Variants in TULP2 observed in about 807,000 individuals in gnomAD.
The protein encoded by TULP2 is tubby-related protein 2.
A neutral mutation model predicts 60.3 loss-of-function variants in TULP2; 64 were observed. The ratio of observed to expected loss-of-function variants is 1.06; its 90% CI spans 0.87 to 1.31. TULP2 has a LOEUF of 1.31. Among genes scored for constraint, TULP2 ranks in the 50% most tolerant of loss-of-function variants. The probability of loss-of-function intolerance (pLI) is 0.00; values close to 1 mark genes in which losing one functional copy is unlikely to be tolerated. For synonymous variants in TULP2, 267 were observed against 265.4 expected (o/e 1.01, Z -0.06); for missense variants, 652 against 667.0 (o/e 0.98, Z 0.25).
Position 48,895,468 on chromosome 19 carries a change from C to T in TULP2, c.247G>A (p.Glu83Lys). ...TGGATGCCAGAGGGCAGATGTGCCT[C>T]TGACACTTTCTTCCGGAGGAAAGGG... is the stretch of plus-strand genomic sequence containing the variant. ...GNPFLRKKVS[E>K]AHLPSGIHSA... Residue 83 changes from glutamate to lysine, a missense_variant, in exon 5 of 13, where the codon GAG (glutamate) becomes AAG (lysine). Physicochemically the swap from Glu to Lys is moderately conservative, Grantham distance 56. Transcript: ENST00000221399. 6.2e-7 allele frequency: 1 copy of T among 1,611,794 alleles called. No individual in the cohort carries two copies. The highest frequency in any genetic ancestry group is 8.5e-7 in the Non-Finnish European group (1 of 1,178,278).
chr19:48,881,367 G>A (rs890550468), intron 12 of TULP2, among the ~76,000 whole-genome samples: 2 of 143,654 alleles, frequency 1.4e-5, no homozygotes, highest in Admixed American at 7.0e-5. Context: ...GTGCCACCAC[G>A]TCCGGCTAAT....
At chr19:48,883,651 T>A in intron 11 of TULP2, 103 bp downstream of exon 11, 1 of 1,295,246 alleles carries the variant, frequency 7.7e-7, no homozygotes, top group Non-Finnish European at 1.1e-6. Flanking sequence ...TGCAACCCAC[T>A]GGCCTCCTCT....
chr19:48,887,561 G>C (rs914124878), intron 8 of TULP2, among the ~76,000 whole-genome samples: 29 of 149,878 alleles, frequency 1.9e-4, no homozygotes, highest in African/African-American at 6.8e-4. Context: ...TTTGTTGGTT[G>C]GTTTTTTGTT....
chr19:48,898,131 C>A (rs904303206), intron 1 of TULP2: 3 of 202,280 alleles, frequency 1.5e-5, no homozygotes, highest in Admixed American at 1.2e-4. Context: ...GCTATTCTGC[C>A]TAATTTTTTT....
chr19:48,882,001 G>C (rs375138031), intron 12 of TULP2, 31 bp downstream of exon 12: 3 of 1,613,984 alleles, frequency 1.9e-6, no homozygotes, highest in African/African-American at 1.3e-5. Flanking sequence ...CACCCCACCT[G>C]GCCCGGCTAA....
chr19:48,881,959 A>C, intron 12 of TULP2, 73 bp downstream of exon 12: 2 of 1,595,822 alleles, frequency 1.3e-6, no homozygotes, highest in South Asian at 2.2e-5. Context: ...ATGATGGGAG[A>C]TGTAGTTCCC....
At chr19:48,891,556 GC>G (rs58727205) in intron 6 of TULP2, among the ~76,000 whole-genome samples, 74,053 of 151,946 alleles carry the variant, frequency 0.49, 21,100 homozygotes, top group African/African-American at 0.8. Flanking sequence ...CTTAAACCCA[GC>G]CAGGCAGAGG....
intron 7 of TULP2, 152 bp from the exon 8 acceptor site, chr19:48,888,413 C>A (rs2037203443): frequency 1.3e-6 from 1 of 760,142 alleles, no homozygotes; most frequent in African/African-American, 1.8e-5. Context: ...CCCAGTCACG[C>A]CCTCCTCTGT....
At chr19:48,886,088 C>T (rs1023728747) in intron 8 of TULP2, among the ~76,000 whole-genome samples, 8 of 151,260 alleles carry the variant, frequency 5.3e-5, no homozygotes, top group South Asian at 2.1e-4. Flanking sequence ...GGGCAGATCA[C>T]GAGGTAAGGA....
At position 48,897,294 on chromosome 19, in the gene TULP2, G is replaced by T; in HGVS notation, c.84+51C>A. ...AAGACCTGGTGGAGAGGCCCCTGGG[G>T]AGGCACAGAAGGCGGAAGAGTTGGA... On this transcript the variant is annotated intron_variant, in intron 3 of 12. Coordinates refer to ENST00000221399, the MANE Select transcript of TULP2 (RefSeq NM_003323.3). The surrounding 1 kb of genome is among the most constrained non-coding windows in gnomAD (Gnocchi z 4.0). 3 of 1,601,008 alleles carry T rather than the reference G, an allele frequency of 1.9e-6. No homozygotes were observed. The highest frequency in any genetic ancestry group is 2.7e-5 in the African/African-American group (2 of 74,712).
At chr19:48,884,896 T>G (rs2037165583) in intron 9 of TULP2, among the ~76,000 whole-genome samples, 1 of 149,260 alleles carries the variant, frequency 6.7e-6, no homozygotes, top group African/African-American at 2.5e-5. Flanking sequence ...TAAAGGGCCC[T>G]TTAGGAACCC....
At position 48,883,843 on chromosome 19, in the gene TULP2, C is replaced by G; in HGVS notation, c.1186G>C (p.Val396Leu). 1 of 1,614,090 alleles carries G rather than the reference C, an allele frequency of 6.2e-7. No homozygotes were observed. Residue 396 changes from valine (V) to leucine (L), a missense_variant, in exon 11 of 13, where the codon GTC becomes CTC. Coordinates refer to ENST00000221399, the MANE Select transcript of TULP2 (RefSeq NM_003323.3). ...ELGAVCYEPN[V>L]LGYLGPRKMT... ...TTCCGAGGCCCCAGGTATCCTAAGA[C>G]GTTGGGCTCCTGGGGGTATTACATT... is the stretch of plus-strand genomic sequence containing the variant.
chr19:48,884,701 C>T (rs898482605), intron 9 of TULP2, among the ~76,000 whole-genome samples: 1 of 150,472 alleles, frequency 6.6e-6, no homozygotes, highest in Non-Finnish European at 1.5e-5. Flanking sequence ...ACCTGGGAGG[C>T]GGAGGTTGTA....
chr19:48,886,298 CAAA>C (rs549692428), intron 8 of TULP2, among the ~76,000 whole-genome samples: 3 of 96,708 alleles, frequency 3.1e-5, no homozygotes, highest in African/African-American at 4.2e-5. Context: ...GACTACGTCT[CAAA>C]AAAAAAAAAA....
Position 48,884,060 on chromosome 19 carries a change from G to A in TULP2, c.1062-14C>T. ...AAGACATTGGATCTGCTCCAGGAAGGGAATGGATAGAATAAAAATACTAAG... is the reference window on the plus strand; with the variant it reads ...AAGACATTGGATCTGCTCCAGGAAGAGAATGGATAGAATAAAAATACTAAG... On this transcript the variant is annotated splice_polypyrimidine_tract_variant and intron_variant, in intron 9 of 12. Transcript: ENST00000221399. The A allele has an allele frequency of 6.2e-7, 1 of 1,603,620 alleles. No homozygotes were observed. The highest frequency in any genetic ancestry group is 8.5e-7 in the Non-Finnish European group (1 of 1,170,882).
intron 6 of TULP2, among the ~76,000 whole-genome samples, chr19:48,891,510 G>T (rs2122134008): frequency 6.6e-6 from 1 of 150,952 alleles, no homozygotes; most frequent in African/African-American, 2.5e-5. Context: ...TGCACCTGCA[G>T]TTCCAGCTAC....
In TULP2 at chr19:48,895,401, C is replaced by A; in HGVS notation, c.314G>T (p.Gly105Val). The A allele has an allele frequency of 6.2e-7, 1 of 1,613,968 alleles. No homozygotes were observed. Among genetic ancestry groups the A allele is most frequent in the Non-Finnish European group, 8.5e-7 (1 of 1,179,964 alleles). ...CCGCGGTGTCGGGAGGCCGCGCTCG[C>A]CCCTGCCGTCTCCACCACAGCTCAC... Reference protein sequence around the residue: ...GTVSCGGDGRGERGLPTPRTE... With the variant: ...GTVSCGGDGRVERGLPTPRTE... The change falls in exon 5 of 13, where the codon GGC becomes GTC. Residue 105 changes from glycine (G) to valine (V), a missense_variant. Coordinates refer to ENST00000221399, the MANE Select transcript of TULP2 (RefSeq NM_003323.3).
At position 48,896,512 on chromosome 19, in the gene TULP2, G is replaced by GAGCT; in HGVS notation, c.125_128dup (p.Leu44AlafsTer9). ...CGTCAGGATTGGCCTGAACCATGAG[G>GAGCT]AGCTCCTGGCGCTTCTGTCGCTGCT... On this transcript the variant is annotated frameshift_variant, in exon 4 of 13. Coordinates refer to ENST00000221399, the MANE Select transcript of TULP2 (RefSeq NM_003323.3). LOFTEE classifies it high-confidence loss of function. 1.9e-6 allele frequency: 3 copies of GAGCT among 1,608,152 alleles called. 1 individual carries two copies. In the South Asian group the frequency reaches 3.3e-5, roughly 18 times the overall value.
At chr19:48,885,610 G>A (rs769284979) in intron 8 of TULP2, 50 bp from the exon 9 acceptor site, 6 of 1,557,162 alleles carry the variant, frequency 3.9e-6, no homozygotes, top group Non-Finnish European at 4.4e-6. Context: ...GATGCTGGGT[G>A]TGGTGGCTCA....
Sources: allele counts gnomAD v4.1 joint callset (sites outside exome capture counted in the v4.1 genomes callset), GRCh38; gene constraint gnomAD v4.1.1; non-coding constraint Gnocchi (gnomAD v3.1); transcripts MANE v1.5; gene names NCBI Gene and HGNC (gene_info 2026-07-23, HGNC 2026-07-21).